The following CUBN variants were observed in gnomAD, a reference collection of about 807,000 sequenced individuals.
The protein encoded by CUBN is 460 kDa receptor.
A neutral mutation model predicts 405.3 loss-of-function variants in CUBN; 282 were observed. The observed-to-expected ratio is 0.70, with a 90% CI of 0.63 to 0.77. The LOEUF (loss-of-function observed/expected upper bound fraction) is 0.77, where lower values mean the gene tolerates loss of function less well. Among genes scored for constraint, CUBN ranks in the 30% least tolerant of loss-of-function variants. The pLI is 0.00. For synonymous variants in CUBN, 1,684 were observed against 1,617.0 expected, an observed-to-expected ratio of 1.04 and a Z score of -0.99; for missense variants, 4,514 against 4,475.2, an observed-to-expected ratio of 1.01 and a Z score of -0.25.
chr10:16,914,718 A>C (rs2131455278), intron 47 of CUBN, among the ~76,000 whole-genome samples: 1 of 152,132 alleles, frequency 6.6e-6, no homozygotes, highest in East Asian at 1.9e-4. Context: ...TTTTCTGAAC[A>C]AGATCTTTAT....
At chr10:17,111,207 T>G (rs1836764892) in intron 8 of CUBN, among the ~76,000 whole-genome samples, 157 bp from the exon 9 acceptor site, 1 of 152,210 alleles carries the variant, frequency 6.6e-6, no homozygotes, top group Admixed American at 6.5e-5. Context: ...TTTGAATTCT[T>G]AAAATCAAAT....
At chr10:17,103,565 T>C (rs1564516311) in intron 12 of CUBN, among the ~76,000 whole-genome samples, 1 of 152,222 alleles carries the variant, frequency 6.6e-6, no homozygotes, top group East Asian at 1.9e-4. Context: ...GTATCTGTTC[T>C]CCCATTGGGG....
At chr10:16,878,058 C>T (rs549865555) in intron 56 of CUBN, among the ~76,000 whole-genome samples, 7 of 152,186 alleles carry the variant, frequency 4.6e-5, no homozygotes, top group Admixed American at 2.0e-4. Context: ...GAGGCCTAGG[C>T]GGGCGGATCA....
intron 22 of CUBN, among the ~76,000 whole-genome samples, chr10:17,057,461 C>A (rs1161890399): frequency 6.6e-6 from 1 of 151,976 alleles, no homozygotes; most frequent in Non-Finnish European, 1.5e-5. Flanking sequence ...GGTGTGGAGC[C>A]CCAACTCCTA....
At chr10:17,104,118 C>T (rs1361685146) in intron 12 of CUBN, among the ~76,000 whole-genome samples, 2 of 152,282 alleles carry the variant, frequency 1.3e-5, no homozygotes, top group East Asian at 1.9e-4. Context: ...CCTCAGAAAA[C>T]TTCCCTTTAG....
intron 54 of CUBN, among the ~76,000 whole-genome samples, chr10:16,895,640 G>T (rs922951710): frequency 6.6e-6 from 1 of 152,126 alleles, no homozygotes; most frequent in Admixed American, 6.5e-5. Flanking sequence ...TTATCATTAT[G>T]TAAGATTCCT....
chr10:17,083,942 C>T (rs1273469563), intron 17 of CUBN, among the ~76,000 whole-genome samples: 5 of 152,022 alleles, frequency 3.3e-5, no homozygotes, highest in Non-Finnish European at 7.4e-5. Context: ...GAAGGAAAAA[C>T]CCTAACCTCC....
intron 27 of CUBN, among the ~76,000 whole-genome samples, chr10:17,032,515 C>T (rs910172233): frequency 6.6e-6 from 1 of 152,156 alleles, no homozygotes; most frequent in African/African-American, 2.4e-5. Flanking sequence ...TGTGAGCATA[C>T]TTATACTCAG....
At chr10:16,981,807 C>CTCCCATCTCAGTAGCAGAAACT (rs1564460480) in intron 31 of CUBN, among the ~76,000 whole-genome samples, 2 of 151,848 alleles carry the variant, frequency 1.3e-5, no homozygotes, top group Non-Finnish European at 2.9e-5. Context: ...TCAAGGAAAC[C>CTCCCATCTCAGTAGCAGAAACT]CTCCCATCTC....
At chr10:17,015,784 C>T (rs569431448) in intron 28 of CUBN, among the ~76,000 whole-genome samples, 1 of 152,270 alleles carries the variant, frequency 6.6e-6, no homozygotes, top group African/African-American at 2.4e-5. Context: ...GAGGGGGCGG[C>T]TTGTTTCTCA....
chr10:16,939,949 G>T, intron 37 of CUBN, 83 bp downstream of exon 37: 2 of 1,146,816 alleles, frequency 1.7e-6, no homozygotes, highest in Non-Finnish European at 2.6e-6. Context: ...GATTGTTCTT[G>T]CTTAATATAT....
chr10:17,008,210 C>T (rs1834076982), intron 28 of CUBN, among the ~76,000 whole-genome samples: 1 of 151,476 alleles, frequency 6.6e-6, no homozygotes, highest in South Asian at 2.1e-4. Flanking sequence ...TATTTAGCCC[C>T]ATGGCTGTAG....
intron 28 of CUBN, among the ~76,000 whole-genome samples, chr10:17,000,118 C>G (rs1833837817): frequency 6.6e-6 from 1 of 152,222 alleles, no homozygotes; most frequent in Non-Finnish European, 1.5e-5. Context: ...ACTAAATTAC[C>G]CAAATCCTCA....
At chr10:17,017,618 T>G (rs997432777) in intron 28 of CUBN, among the ~76,000 whole-genome samples, 1 of 152,178 alleles carries the variant, frequency 6.6e-6, no homozygotes, top group Non-Finnish European at 1.5e-5. Flanking sequence ...GCTTCAGGAA[T>G]AGCTATTGAT....
chr10:17,002,611 T>C (rs954855279), intron 28 of CUBN, among the ~76,000 whole-genome samples: 1 of 152,142 alleles, frequency 6.6e-6, no homozygotes, highest in African/African-American at 2.4e-5. Flanking sequence ...AGGTCAACTG[T>C]GTGGATGTGT....
At chr10:16,873,834 C>T (rs1840427453) in intron 58 of CUBN, among the ~76,000 whole-genome samples, 1 of 151,950 alleles carries the variant, frequency 6.6e-6, no homozygotes, top group Non-Finnish European at 1.5e-5. Context: ...CACATTTTGA[C>T]TCTTTATGTG....
chr10:16,904,318 T>C (rs548852577), intron 50 of CUBN, among the ~76,000 whole-genome samples: 1 of 152,286 alleles, frequency 6.6e-6, no homozygotes, highest in African/African-American at 2.4e-5. Flanking sequence ...CACAAAAAAA[T>C]CAAAGCAATT....
At chr10:17,065,419 G>T in intron 22 of CUBN, 89 bp downstream of exon 22, 1 of 1,522,052 alleles carries the variant, frequency 6.6e-7, no homozygotes, top group South Asian at 1.1e-5. Context: ...CCACAGGTTT[G>T]CGGATGATGT....
rs1482565985 is a variant in CUBN at position 17,100,106 on chromosome 10, T to C, written c.1664A>G (p.His555Arg). ...LGRFCGSSLPHELLSSDNALY... is the reference protein window; with the variant it reads ...LGRFCGSSLPRELLSSDNALY... Reference sequence around the variant, plus strand: ...AGCATTGTCACTGCTGAGGAGTTCATGAGGGAGGCTGGAGCCACAAAATCT... The same window carrying C: ...AGCATTGTCACTGCTGAGGAGTTCACGAGGGAGGCTGGAGCCACAAAATCT... Residue 555 changes from histidine (H) to arginine (R), a missense_variant, in exon 14 of 67, where the codon CAT becomes CGT. Around this residue, in one of 5 missense-constraint regions of CUBN, gnomAD observed 1,448 missense variants for 1,388.0 expected, o/e 1.04. Coordinates refer to ENST00000377833, the MANE Select transcript of CUBN (RefSeq NM_001081.4). 10 of 1,613,812 alleles carry C rather than the reference T, an allele frequency of 6.2e-6. No homozygotes were observed. The highest frequency in any genetic ancestry group is 1.3e-5 in the African/African-American group (1 of 74,918).
Sources: gnomAD v4.1 joint callset for allele counts (sites outside exome capture counted in the v4.1 genomes callset) on GRCh38, gnomAD v4.1.1 for gene constraint, gnomAD v4.1.1 regional missense constraint, MANE v1.5 for transcripts, NCBI Gene and HGNC (gene_info 2026-07-23, HGNC 2026-07-21) for gene names.